Variants in IPO13 observed in about 807,000 individuals in gnomAD.
IPO13 encodes importin-13.
IPO13 carries 28 observed loss-of-function variants against 115.5 expected under a neutral mutation model. That is an observed-to-expected ratio of 0.24 (90% CI 0.18 to 0.33). IPO13 has a LOEUF of 0.33. Ranked by LOEUF, IPO13 falls within the 10% of genes least tolerant of loss-of-function variation. IPO13 has a pLI of 1.00. For synonymous variants in IPO13, 414 were observed against 478.9 expected (o/e 0.86, Z 1.77); for missense variants, 785 against 1,204.6 (o/e 0.65, Z 5.16).
At position 43,952,809 on chromosome 1, in the gene IPO13, T is replaced by C. The variant is rs1285800633; in HGVS notation, c.821+2656T>C. Among the ~76,000 whole-genome samples the C allele has an allele frequency of 6.6e-6, 1 of 152,268 alleles. No homozygotes were observed. The highest frequency in any genetic ancestry group is 1.5e-5 in the Non-Finnish European group (1 of 68,042). The stretch of plus-strand genomic sequence containing the variant: ...AATGTGAAGCTTTTAGCATGGTTCC[T>C]ATATACTCTGTAAACGGCAGTTGCC... On this transcript the variant is annotated intron_variant, in intron 2 of 19. Coordinates refer to ENST00000372343, the MANE Select transcript of IPO13 (RefSeq NM_014652.4). The surrounding 1 kb of genome is among the most constrained non-coding windows in gnomAD (Gnocchi z 4.7).
chr1:43,958,032 C>G lies in IPO13; in HGVS notation c.1596C>G (p.Pro532=). Residue 532 remains proline, a synonymous_variant, in exon 8 of 20, where the codon CCC becomes CCG. Transcript: ENST00000372343. The surrounding 1 kb of genome is among the most constrained non-coding windows in gnomAD (Gnocchi z 6.3). The part of the protein sequence containing the change: ...DHPVMINSVL[P]LVLHALGNPE... ...CCGTCATGATCAACAGTGTTCTGCC[C>G]TTGGTACTGCATGCCCTAGGCAATC... is the stretch of plus-strand genomic sequence containing the variant. The G allele has an allele frequency of 1.2e-6, 2 of 1,614,192 alleles. No homozygotes were observed. Among genetic ancestry groups the G allele is most frequent in the East Asian group, 2.2e-5 (1 of 44,874 alleles).
At chr1:43,953,086 G>A (rs1318922793) in intron 2 of IPO13, 1 of 152,194 alleles carries the variant, frequency 6.6e-6, no homozygotes. Context: ...GGTAATTGAT[G>A]CCCCTTCTCC....
Position 43,958,144 on chromosome 1 carries a change from G to T in IPO13, c.1708G>T (p.Val570Leu). The T allele has an allele frequency of 6.2e-7, 1 of 1,614,188 alleles. No individual in the cohort carries two copies. ...YDLPPYAANIVAVSQDVLMKQ... is the reference protein window; with the variant it reads ...YDLPPYAANILAVSQDVLMKQ... ...CCTGCCTCCCTATGCTGCCAACATT[G>T]TGGCTGTGTCCCAGGTATGCAGGGG... is the stretch of plus-strand genomic sequence containing the variant. Residue 570 changes from valine to leucine, a missense_variant, in exon 8 of 20, where the codon GTG becomes TTG. Transcript: ENST00000372343. The surrounding 1 kb of genome is among the most constrained non-coding windows in gnomAD (Gnocchi z 6.3).
intron 2 of IPO13, among the ~76,000 whole-genome samples, chr1:43,951,596 A>T (rs1448433724): frequency 6.6e-6 from 1 of 152,208 alleles, no homozygotes; most frequent in African/African-American, 2.4e-5. Context: ...CAAGTTTAAG[A>T]TTTTGATCTT....
At position 43,964,165 on chromosome 1, in the gene IPO13, C is replaced by G. The variant is rs568930126; in HGVS notation, c.2345-104C>G. The G allele has an allele frequency of 3.2e-5, 24 of 741,950 alleles. No homozygotes were observed. The East Asian group carries it at 6.3e-4, about 19-fold the overall frequency. 46.0% of individuals were successfully genotyped at this position (741,950 alleles called of 1,614,324 possible). A position where few individuals can be genotyped will look rare whatever the true frequency, so the allele number is the denominator to read the frequency against. ...TATCTTGCTTCCTGCTGCTCATGTG[C>G]CCCCACGCTGTCTCCCTGCAGGCTC... On this transcript the variant is annotated intron_variant, in intron 14 of 19. Transcript: ENST00000372343.
At chr1:43,955,066 CTT>C (rs1031756750) in intron 2 of IPO13, among the ~76,000 whole-genome samples, 3 of 152,196 alleles carry the variant, frequency 2.0e-5, no homozygotes, top group African/African-American at 4.8e-5. Flanking sequence ...TGAGAGGTGT[CTT>C]TATTCTTCTC....
chr1:43,962,255 C>T (rs1185908000), intron 14 of IPO13, among the ~76,000 whole-genome samples: 1 of 152,128 alleles, frequency 6.6e-6, no homozygotes, highest in Non-Finnish European at 1.5e-5. Flanking sequence ...CTGGGACAAG[C>T]CCCATTGATC....
At chr1:43,960,228 C>G in intron 11 of IPO13, 21 bp from the exon 12 acceptor site, 1 of 1,613,616 alleles carries the variant, frequency 6.2e-7, no homozygotes, top group Non-Finnish European at 8.5e-7. Context: ...AGAAGCGCCT[C>G]ACTTCTTCCT....
intron 15 of IPO13, among the ~76,000 whole-genome samples, chr1:43,965,551 A>G (rs1054654295): frequency 2.0e-5 from 3 of 151,818 alleles, no homozygotes; most frequent in Admixed American, 1.3e-4. Context: ...GTGGATGGGT[A>G]TGTTGGAAGA....
chr1:43,967,162 G>A lies in IPO13; in HGVS notation c.2613+143G>A. The stretch of plus-strand genomic sequence containing the variant: ...CAATTAAATGCCTGAAAGTTGTTAG[G>A]ATTGCTGTGGGGATCAGCTGGCTCT... On this transcript the variant is annotated intron_variant, in intron 18 of 19. Coordinates refer to ENST00000372343, the MANE Select transcript of IPO13 (RefSeq NM_014652.4). The surrounding 1 kb of genome is among the most constrained non-coding windows in gnomAD (Gnocchi z 6.1). The A allele has an allele frequency of 9.1e-7, 1 of 1,094,588 alleles. No homozygotes were observed. The highest frequency in any genetic ancestry group is 1.4e-6 in the Non-Finnish European group (1 of 730,318). 67.8% of individuals were successfully genotyped at this position (1,094,588 alleles called of 1,614,324 possible).
At chr1:43,965,697 A>G (rs2154302448) in intron 15 of IPO13, among the ~76,000 whole-genome samples, 1 of 146,172 alleles carries the variant, frequency 6.8e-6, no homozygotes. Context: ...TAGCGGTGTT[A>G]GAGAAGTGTG....
At position 43,966,335 on chromosome 1, in the gene IPO13, AC is replaced by A; in HGVS notation, c.2398-238del. ...TTCTGCATTATGATCCCCACCCCCA[AC>A]CTCTCTCACGTACACCTGCGTGTTC... On this transcript the variant is annotated intron_variant, in intron 15 of 19. Coordinates refer to ENST00000372343, the MANE Select transcript of IPO13 (RefSeq NM_014652.4). The surrounding 1 kb of genome is among the most constrained non-coding windows in gnomAD (Gnocchi z 4.1). 1.7e-6 allele frequency: 1 copy of A among 587,994 alleles called. No individual in the cohort carries two copies. Among genetic ancestry groups the A allele is most frequent in the Non-Finnish European group, 3.0e-6 (1 of 328,598 alleles). 36.4% of individuals were successfully genotyped at this position (587,994 alleles called of 1,614,324 possible).
chr1:43,957,584 A>C (rs2085260105), intron 7 of IPO13, 35 bp downstream of exon 7: 8 of 1,611,178 alleles, frequency 5.0e-6, no homozygotes, highest in Non-Finnish European at 6.8e-6. Flanking sequence ...CCATATTCCC[A>C]GAGCCACAGC....
chr1:43,959,196 C>T (rs1187878599), intron 11 of IPO13, among the ~76,000 whole-genome samples: 4 of 152,172 alleles, frequency 2.6e-5, no homozygotes, highest in African/African-American at 9.7e-5. Context: ...ATCCTTCAAC[C>T]CTTAAGTGAT....
rs770490393 is a variant in IPO13 at position 43,960,881 on chromosome 1, G to A, written c.2115G>A (p.Val705=). ...WLNDAQVVEA[V]CAIFEKSVKT... is the part of the protein sequence containing the mutation. ...CCCTTTGCTTTCTTCCCAAGGCGGT[G>A]TGCGCTATCTTTGAGAAGTCTGTTA... Residue 705 remains valine (V), a synonymous_variant, in exon 13 of 20, where the codon GTG becomes GTA. Coordinates refer to ENST00000372343, the MANE Select transcript of IPO13 (RefSeq NM_014652.4). The A allele has an allele frequency of 3.7e-6, 6 of 1,614,164 alleles. No individual in the cohort carries two copies. The highest frequency in any genetic ancestry group is 1.7e-6 in the Non-Finnish European group (2 of 1,180,040).
intron 1 of IPO13, 37 bp from the exon 2 acceptor site, chr1:43,949,380 G>A (rs774575745): frequency 6.5e-7 from 1 of 1,542,796 alleles, no homozygotes; most frequent in Non-Finnish European, 8.7e-7. Context: ...AGGATCCAGA[G>A]TGGCCAGCAC....
rs761150384 is a variant in IPO13 at position 43,958,908 on chromosome 1, C to T, written c.2028+19C>T. 83 of 1,610,306 alleles carry T rather than the reference C, an allele frequency of 5.2e-5. No individual in the cohort carries two copies. In the Admixed American group the frequency reaches 6.8e-4, roughly 13 times the overall value. On this transcript the variant is annotated intron_variant, in intron 11 of 19. Coordinates refer to ENST00000372343, the MANE Select transcript of IPO13 (RefSeq NM_014652.4). This position sits in a 1 kb window ranked among gnomAD's most constrained non-coding sequence, Gnocchi z 6.3. ...CAACCCCGTGGGTGACATTTGCCCA[C>T]GGCAAAGACATTTGTCTTTGCCATC...
rs1042211531 is a variant in IPO13, at chr1:43,952,826, G to A, written c.821+2673G>A. 2.0e-5 allele frequency among the ~76,000 whole-genome samples: 3 copies of A among 152,186 alleles called. No individual in the cohort carries two copies. Among genetic ancestry groups the A allele is most frequent in the African/African-American group, 7.2e-5 (3 of 41,432 alleles). Reference sequence around the variant, plus strand: ...ATGGTTCCTATATACTCTGTAAACGGCAGTTGCCAGTATTTGGTTTCATTA... The same window carrying A: ...ATGGTTCCTATATACTCTGTAAACGACAGTTGCCAGTATTTGGTTTCATTA... On this transcript the variant is annotated intron_variant, in intron 2 of 19. Transcript: ENST00000372343. This position sits in a 1 kb window ranked among gnomAD's most constrained non-coding sequence, Gnocchi z 4.7.
At chr1:43,957,660 A>C in intron 7 of IPO13, 111 bp downstream of exon 7, 2 of 1,314,584 alleles carry the variant, frequency 1.5e-6, no homozygotes, top group Non-Finnish European at 2.1e-6. Context: ...ATGCCTACAC[A>C]CAATCAGTGT....
Sources: gnomAD v4.1 joint callset for allele counts (sites outside exome capture counted in the v4.1 genomes callset) on GRCh38, gnomAD v4.1.1 for gene constraint, Gnocchi (gnomAD v3.1) non-coding constraint, MANE v1.5 for transcripts, NCBI Gene and HGNC (gene_info 2026-07-23, HGNC 2026-07-21) for gene names.